Variants in UBR7 observed in about 807,000 individuals in gnomAD.
UBR7 encodes the protein ubiquitin protein ligase E3 component n-recognin 7.
A neutral mutation model predicts 57.0 loss-of-function variants in UBR7; 22 were observed. The observed-to-expected ratio is 0.39, with a 90% confidence interval of 0.28 to 0.55. The LOEUF (loss-of-function observed/expected upper bound fraction) is 0.55, where lower values mean the gene tolerates loss of function less well. Ranked by LOEUF, UBR7 falls within the 20% of genes least tolerant of loss-of-function variation. The pLI, the probability that UBR7 is intolerant of heterozygous loss-of-function variation, is 0.69. For missense variants in UBR7, 395 were observed against 513.2 expected, an observed-to-expected ratio of 0.77 and a Z score of 2.23; for synonymous variants, 167 against 179.8, an observed-to-expected ratio of 0.93 and a Z score of 0.57.
At chr14:93,224,198 A>G in intron 10 of UBR7, 1 of 551,680 alleles carries the variant, frequency 1.8e-6, no homozygotes. Context: ...TTTCTTTGTC[A>G]TAGATGTGGG....
chr14:93,215,103 G>C, intron 5 of UBR7, 73 bp from the exon 6 acceptor site: 1 of 1,440,932 alleles, frequency 6.9e-7, no homozygotes, highest in Non-Finnish European at 9.6e-7. Flanking sequence ...TATTATTACA[G>C]TATTTATAAA....
At position 93,215,301 on chromosome 14, in the gene UBR7, T is replaced by C; in HGVS notation, c.601+20T>C. ...TGGCAGGTAGGTATCTTTGTGAAGT[T>C]GGTGTGCCACAAACTTGTGCTTGTG... On this transcript the variant is annotated intron_variant, in intron 6 of 10. Coordinates refer to ENST00000013070, the MANE Select transcript of UBR7 (RefSeq NM_175748.4). The C allele has an allele frequency of 6.4e-7, 1 of 1,551,120 alleles. No homozygotes were observed. The highest frequency in any genetic ancestry group is 8.8e-7 in the Non-Finnish European group (1 of 1,142,154).
At chr14:93,219,128 C>T in intron 7 of UBR7, 84 bp from the exon 8 acceptor site, 1 of 1,471,106 alleles carries the variant, frequency 6.8e-7, no homozygotes, top group Admixed American at 1.9e-5. Flanking sequence ...TTATCCTTTG[C>T]CTAAAGAAAT....
At chr14:93,208,013 C>G (rs1157154209) in intron 1 of UBR7, among the ~76,000 whole-genome samples, 4 of 151,956 alleles carry the variant, frequency 2.6e-5, no homozygotes, top group African/African-American at 7.3e-5. Flanking sequence ...TGCAGTCTGC[C>G]CCCCTCCCCT....
chr14:93,220,524 A>G (rs1307361949), intron 9 of UBR7, 113 bp downstream of exon 9: 4 of 1,250,714 alleles, frequency 3.2e-6, no homozygotes, highest in African/African-American at 1.5e-5. Context: ...AAAATTTTGA[A>G]TTTTAGACCA....
chr14:93,228,814 C>G lies in UBR7; in HGVS notation c.*1779C>G. 2.2e-6 allele frequency: 1 copy of G among 454,096 alleles called. No individual in the cohort carries two copies. Among genetic ancestry groups the G allele is most frequent in the Non-Finnish European group, 4.4e-6 (1 of 226,794 alleles). 28.1% of individuals were successfully genotyped at this position (454,096 alleles called of 1,614,324 possible). ...CTTCTCAAATATCTGATGTAACTACCAGAAAGTCCCTTACTTCCTATGACC... is the reference window on the plus strand; with the variant it reads ...CTTCTCAAATATCTGATGTAACTACGAGAAAGTCCCTTACTTCCTATGACC... On this transcript the variant is annotated 3_prime_UTR_variant, in exon 11 of 11. Transcript: ENST00000013070.
At chr14:93,225,900 G>T (rs191788345) in intron 10 of UBR7, among the ~76,000 whole-genome samples, 2 of 152,300 alleles carry the variant, frequency 1.3e-5, no homozygotes, top group Admixed American at 1.3e-4. Flanking sequence ...GGTAGGGACA[G>T]ATCCTTCATT....
chr14:93,212,011 G>A (rs1476447465), intron 3 of UBR7, 21 bp from the exon 4 acceptor site: 2 of 1,550,688 alleles, frequency 1.3e-6, no homozygotes, highest in Non-Finnish European at 1.8e-6. Flanking sequence ...TATTATTATT[G>A]AAATCAATAT....
At chr14:93,215,995 C>T (rs1037559863) in intron 6 of UBR7, among the ~76,000 whole-genome samples, 1 of 152,162 alleles carries the variant, frequency 6.6e-6, no homozygotes, top group Non-Finnish European at 1.5e-5. Context: ...AGATATTTCT[C>T]ACAGTTCTGG....
At chr14:93,225,112 T>G (rs1894820975) in intron 10 of UBR7, among the ~76,000 whole-genome samples, 1 of 152,134 alleles carries the variant, frequency 6.6e-6, no homozygotes, top group South Asian at 2.1e-4. Context: ...CCAGATAATT[T>G]AAAAGGTCAG....
intron 6 of UBR7, among the ~76,000 whole-genome samples, 173 bp downstream of exon 6, chr14:93,215,454 C>G (rs928645475): frequency 1.3e-5 from 2 of 152,028 alleles, no homozygotes; most frequent in African/African-American, 4.8e-5. Context: ...GGGAGGCCAA[C>G]AAGACAGATG....
chr14:93,225,643 T>C (rs1413832678), intron 10 of UBR7, among the ~76,000 whole-genome samples: 1 of 152,010 alleles, frequency 6.6e-6, no homozygotes, highest in Non-Finnish European at 1.5e-5. Flanking sequence ...TAAAAAGCAA[T>C]AATAATTAAT....
Position 93,227,852 on chromosome 14 carries a change from G to T in UBR7, c.*817G>T, listed in dbSNP as rs760331518. The T allele has an allele frequency of 1.4e-6, 1 of 700,630 alleles. No individual in the cohort carries two copies. The highest frequency in any genetic ancestry group is 2.6e-6 in the Non-Finnish European group (1 of 384,796). The allele number at this position is 700,630 out of a possible 1,614,324, so 43.4% of individuals were successfully genotyped here. ...TCTCTGCTGCCTAGAAAACAGACCG[G>T]GTCTCACCCCTGTGAAATCTTGGTG... On this transcript the variant is annotated 3_prime_UTR_variant, in exon 11 of 11. Transcript: ENST00000013070.
chr14:93,221,677 TG>T (rs1198971424), intron 9 of UBR7, among the ~76,000 whole-genome samples: 1 of 152,146 alleles, frequency 6.6e-6, no homozygotes, highest in Non-Finnish European at 1.5e-5. Flanking sequence ...TAATATAAAC[TG>T]TTAAGTGAGT....
At chr14:93,221,358 C>G (rs954074499) in intron 9 of UBR7, among the ~76,000 whole-genome samples, 2 of 151,970 alleles carry the variant, frequency 1.3e-5, no homozygotes, top group Admixed American at 1.3e-4. Context: ...AGGTGATCTA[C>G]CTGCCTTGGC....
chr14:93,225,814 TCTC>T (rs1042723533), intron 10 of UBR7, among the ~76,000 whole-genome samples: 53 of 152,342 alleles, frequency 3.5e-4, no homozygotes, highest in African/African-American at 1.2e-3. Flanking sequence ...TGTTGTTAGG[TCTC>T]CTCCTACAGT....
chr14:93,210,693 A>G lies in UBR7; in HGVS notation c.330A>G (p.Glu110=), dbSNP rs755748480. The part of the protein sequence containing the change: ...DCGNSKFKNL[E]CKLLPDKAKV... ...GAAACAGCAAGTTTAAAAATTTGGA[A>G]TGCAAATTACTTCCTGTAAGTAAGC... The change falls in exon 3 of 11, where the codon GAA becomes GAG. Residue 110 remains glutamate (E), a synonymous_variant. Coordinates refer to ENST00000013070, the MANE Select transcript of UBR7 (RefSeq NM_175748.4). 4.3e-6 allele frequency: 7 copies of G among 1,609,628 alleles called. No individual in the cohort carries two copies. The highest frequency in any genetic ancestry group is 5.9e-6 in the Non-Finnish European group (7 of 1,177,294).
At position 93,227,985 on chromosome 14, in the gene UBR7, A is replaced by G. The variant is rs1441171468; in HGVS notation, c.*950A>G. On this transcript the variant is annotated 3_prime_UTR_variant, in exon 11 of 11. Coordinates refer to ENST00000013070, the MANE Select transcript of UBR7 (RefSeq NM_175748.4). ...GTTATGAAAATGTTATTAGAACCCC[A>G]ATAAATTATTATTTTTCCCCCTTGA... The G allele has an allele frequency of 1.4e-6, 1 of 699,640 alleles. No homozygotes were observed. Among genetic ancestry groups the G allele is most frequent in the African/African-American group, 1.7e-5 (1 of 57,220 alleles). 43.3% of individuals were successfully genotyped at this position (699,640 alleles called of 1,614,324 possible).
At chr14:93,224,285 G>T in intron 10 of UBR7, 1 of 328,906 alleles carries the variant, frequency 3.0e-6, no homozygotes, top group Non-Finnish European at 5.5e-6. Context: ...GAATTGTAAA[G>T]TTAAAAGAGC....
Sources: allele counts gnomAD v4.1 joint callset (sites outside exome capture counted in the v4.1 genomes callset), GRCh38; gene constraint gnomAD v4.1.1; transcripts MANE v1.5; gene names NCBI Gene and HGNC (gene_info 2026-07-23, HGNC 2026-07-21).